The following ZFPM2 variants were observed in gnomAD, a reference collection of about 807,000 sequenced individuals.
ZFPM2 encodes zinc finger protein ZFPM2.
ZFPM2 carries 20 observed loss-of-function variants against 98.6 expected under a neutral mutation model. The observed-to-expected ratio is 0.20, with a 90% confidence interval of 0.14 to 0.29. The LOEUF (loss-of-function observed/expected upper bound fraction) is 0.29, where lower values mean the gene tolerates loss of function less well. Among genes scored for constraint, ZFPM2 ranks in the 10% least tolerant of loss-of-function variants. The pLI, the probability that ZFPM2 is intolerant of heterozygous loss-of-function variation, is 1.00. For synonymous variants in ZFPM2, 518 were observed against 502.7 expected, an observed-to-expected ratio of 1.03 and a Z score of -0.41; for missense variants, 1,310 against 1,388.6, an observed-to-expected ratio of 0.94 and a Z score of 0.90.
chr8:105,321,789 G>A (rs112750584), intron 1 of ZFPM2, among the ~76,000 whole-genome samples: 2 of 152,150 alleles, frequency 1.3e-5, no homozygotes, highest in East Asian at 1.9e-4. Context: ...AAAGATAAGC[G>A]GAGAAGATAT....
At chr8:105,648,562 T>C (rs952544943) in intron 5 of ZFPM2, among the ~76,000 whole-genome samples, 3 of 152,210 alleles carry the variant, frequency 2.0e-5, no homozygotes, top group Non-Finnish European at 4.4e-5. Flanking sequence ...ATGTAAGGTG[T>C]AAGGAAAGGA....
chr8:105,612,605 C>T (rs1158862235), intron 4 of ZFPM2, among the ~76,000 whole-genome samples: 2 of 152,128 alleles, frequency 1.3e-5, no homozygotes, highest in Non-Finnish European at 2.9e-5. Context: ...ACATTAACAA[C>T]ATAATAACAA....
At chr8:105,607,188 T>G (rs1816213848) in intron 4 of ZFPM2, among the ~76,000 whole-genome samples, 1 of 152,164 alleles carries the variant, frequency 6.6e-6, no homozygotes, top group South Asian at 2.1e-4. Flanking sequence ...AGGTAACACC[T>G]TAATAATGTA....
intron 5 of ZFPM2, among the ~76,000 whole-genome samples, chr8:105,764,229 G>C (rs1188968710): frequency 2.0e-5 from 3 of 149,732 alleles, no homozygotes; most frequent in Non-Finnish European, 4.5e-5. Context: ...GTAGGATTTT[G>C]GTGGTAAAGC....
intron 5 of ZFPM2, among the ~76,000 whole-genome samples, chr8:105,729,093 C>T (rs1811873085): frequency 6.6e-6 from 1 of 151,552 alleles, no homozygotes; most frequent in African/African-American, 2.4e-5. Context: ...TTCAAAGTGT[C>T]ATATTTGAAA....
chr8:105,647,424 A>G (rs1294944859), intron 5 of ZFPM2, among the ~76,000 whole-genome samples: 1 of 151,900 alleles, frequency 6.6e-6, no homozygotes, highest in Non-Finnish European at 1.5e-5. Flanking sequence ...CATATGCCCA[A>G]TGTGCAGGTT....
At chr8:105,426,478 G>A (rs756314320) in intron 2 of ZFPM2, among the ~76,000 whole-genome samples, 1 of 151,950 alleles carries the variant, frequency 6.6e-6, no homozygotes, top group Admixed American at 6.6e-5. Context: ...TCCCTTCTCC[G>A]CCACCTCCCC....
At chr8:105,357,155 C>T (rs748308610) in intron 1 of ZFPM2, among the ~76,000 whole-genome samples, 1 of 152,094 alleles carries the variant, frequency 6.6e-6, no homozygotes, top group African/African-American at 2.4e-5. Context: ...TGCCTCTTGC[C>T]TTTGTTCATA....
chr8:105,516,019 G>A (rs1387511531), intron 3 of ZFPM2, among the ~76,000 whole-genome samples: 1 of 146,514 alleles, frequency 6.8e-6, no homozygotes, highest in African/African-American at 2.5e-5. Context: ...CCGGGTCTCC[G>A]GGTCCGAGCA....
intron 2 of ZFPM2, among the ~76,000 whole-genome samples, chr8:105,443,328 A>AAC (rs202176885): frequency 0.014 from 2,013 of 146,542 alleles, 150 homozygotes; most frequent in African/African-American, 0.049. Flanking sequence ...ACAAAAAACA[A>AAC]AAAAAAAAAA....
At chr8:105,786,367 TG>T (rs1270911355) in intron 5 of ZFPM2, among the ~76,000 whole-genome samples, 1 of 152,218 alleles carries the variant, frequency 6.6e-6, no homozygotes, top group Non-Finnish European at 1.5e-5. Context: ...TTTGCATATA[TG>T]TGTGTATTCT....
At chr8:105,702,020 A>G (rs1309900335) in intron 5 of ZFPM2, among the ~76,000 whole-genome samples, 2 of 152,200 alleles carry the variant, frequency 1.3e-5, no homozygotes, top group East Asian at 3.8e-4. Flanking sequence ...ATTGTGTGAC[A>G]TTTCACAAAT....
chr8:105,560,450 G>A (rs948102482), intron 3 of ZFPM2, among the ~76,000 whole-genome samples: 2 of 151,832 alleles, frequency 1.3e-5, no homozygotes, highest in African/African-American at 4.8e-5. Context: ...TTAGTATGGT[G>A]ATATGGCATG....
Position 105,803,132 on chromosome 8 carries a change from G to A in ZFPM2, c.3050G>A (p.Gly1017Asp). The change falls in exon 8 of 8, where the codon GGC becomes GAC. Residue 1017 changes from glycine to aspartate, a missense_variant. Transcript: ENST00000407775. ...AATGCAGAAAATGAATCTCCTAAAG[G>A]CCAGGCTTCCTCAAATGGGTGTGCT... ...SRNAENESPKGQASSNGCAAL... is the reference protein window; with the variant it reads ...SRNAENESPKDQASSNGCAAL... 3 of 1,613,854 alleles carry A rather than the reference G, an allele frequency of 1.9e-6. No homozygotes were observed. The highest frequency in any genetic ancestry group is 1.6e-4 in the Middle Eastern group (1 of 6,062).
intron 1 of ZFPM2, among the ~76,000 whole-genome samples, chr8:105,322,878 A>G (rs1182876998): frequency 2.0e-5 from 3 of 152,128 alleles, no homozygotes; most frequent in African/African-American, 7.2e-5. Context: ...TTGAGATGAT[A>G]TAACAATTTT....
intron 5 of ZFPM2, among the ~76,000 whole-genome samples, chr8:105,665,742 G>A (rs1469948983): frequency 3.3e-5 from 5 of 152,164 alleles, no homozygotes; most frequent in Non-Finnish European, 5.9e-5. Flanking sequence ...GAGGCCTAAT[G>A]TAAATTATCA....
At chr8:105,576,942 T>A (rs944726727) in intron 4 of ZFPM2, among the ~76,000 whole-genome samples, 1 of 152,146 alleles carries the variant, frequency 6.6e-6, no homozygotes, top group Middle Eastern at 3.2e-3. Context: ...TAGTTTCCTT[T>A]ATAGTGGTAT....
At chr8:105,656,639 C>T (rs1208435943) in intron 5 of ZFPM2, among the ~76,000 whole-genome samples, 2 of 152,078 alleles carry the variant, frequency 1.3e-5, no homozygotes, top group Non-Finnish European at 2.9e-5. Context: ...CTCCTTGCTT[C>T]TGGTTTTTCG....
chr8:105,727,155 A>C (rs1162530209), intron 5 of ZFPM2, among the ~76,000 whole-genome samples: 3 of 149,888 alleles, frequency 2.0e-5, no homozygotes, highest in African/African-American at 7.3e-5. Flanking sequence ...ATTTTGGTTG[A>C]CTTTTTTTTT....
Sources: allele counts gnomAD v4.1 joint callset (sites outside exome capture counted in the v4.1 genomes callset), GRCh38; gene constraint gnomAD v4.1.1; transcripts MANE v1.5; gene names NCBI Gene and HGNC (gene_info 2026-07-23, HGNC 2026-07-21).